ATP2B2: variants seen among roughly 807,000 people sequenced by gnomAD.
ATP2B2 encodes plasma membrane calcium-transporting ATPase 2.
A neutral mutation model predicts 120.0 loss-of-function variants in ATP2B2; 15 were observed. The ratio of observed to expected loss-of-function variants is 0.12; its 90% CI spans 0.08 to 0.19. The LOEUF is 0.19. ATP2B2 is among the 10% of genes least tolerant of loss of function. ATP2B2 has a pLI of 1.00. For missense variants in ATP2B2, 1,045 were observed against 1,719.8 expected, an observed-to-expected ratio of 0.61 and a Z score of 6.94; for synonymous variants, 694 against 700.3, an observed-to-expected ratio of 0.99 and a Z score of 0.14.
chr3:10,535,669 A>G (rs1027987480), intron 2 of ATP2B2, among the ~76,000 whole-genome samples: 18 of 151,980 alleles, frequency 1.2e-4, no homozygotes, highest in African/African-American at 4.4e-4. Context: ...AATTCCCTGG[A>G]GATTCCTCTA....
intron 2 of ATP2B2, among the ~76,000 whole-genome samples, chr3:10,547,867 A>G (rs779532723): frequency 1.3e-5 from 2 of 152,220 alleles, no homozygotes; most frequent in Non-Finnish European, 2.9e-5. Flanking sequence ...CATGTTTCCT[A>G]TGCTACAAAA....
intron 3 of ATP2B2, among the ~76,000 whole-genome samples, chr3:10,403,065 T>C (rs574132580): frequency 6.6e-6 from 1 of 152,008 alleles, no homozygotes; most frequent in Admixed American, 6.5e-5. Flanking sequence ...ATGAGCTGGT[T>C]CTAATCCTGC....
intron 2 of ATP2B2, among the ~76,000 whole-genome samples, chr3:10,551,411 C>A (rs1403431313): frequency 1.3e-5 from 2 of 152,222 alleles, no homozygotes; most frequent in African/African-American, 4.8e-5. Flanking sequence ...AGCTCAACGT[C>A]TCAGATGCGG....
chr3:10,558,714 A>G (rs1397928507), intron 2 of ATP2B2, among the ~76,000 whole-genome samples: 1 of 152,230 alleles, frequency 6.6e-6, no homozygotes, highest in Non-Finnish European at 1.5e-5. Context: ...CATTTGAGAG[A>G]AAGACTCCTA....
At chr3:10,621,320 G>A (rs2069541253) in intron 1 of ATP2B2, among the ~76,000 whole-genome samples, 1 of 152,206 alleles carries the variant, frequency 6.6e-6, no homozygotes, top group African/African-American at 2.4e-5. Context: ...GGAACCCACA[G>A]CCACGAGGCC....
At chr3:10,352,685 G>A (rs896415594) in intron 14 of ATP2B2, among the ~76,000 whole-genome samples, 2 of 152,192 alleles carry the variant, frequency 1.3e-5, no homozygotes, top group African/African-American at 4.8e-5. Flanking sequence ...ATAAGCAAAC[G>A]TGACCTCATT....
rs78921365 is a variant in ATP2B2, at chr3:10,484,051, C to T, written c.-320+21414G>A. ...CTGCTTGCTTTGTGACCTTGAGCAACGACTAGGCCTCTCTGAGTCCATCTC... is the reference window on the plus strand; with the variant it reads ...CTGCTTGCTTTGTGACCTTGAGCAATGACTAGGCCTCTCTGAGTCCATCTC... On this transcript the variant is annotated intron_variant, in intron 1 of 22. Coordinates refer to ENST00000360273, the MANE Select transcript of ATP2B2 (RefSeq NM_001001331.4). Among the ~76,000 whole-genome samples the T allele has an allele frequency of 6.2e-3, 937 of 152,338 alleles. 10 individuals carry two copies. The highest frequency in any genetic ancestry group is 0.021 in the African/African-American group (875 of 41,574).
Position 10,468,040 on chromosome 3 carries a change from T to C in ATP2B2, c.-319-18178A>G, listed in dbSNP as rs553698560. 2.0e-5 allele frequency among the ~76,000 whole-genome samples: 3 copies of C among 152,248 alleles called. No homozygotes were observed. The South Asian group carries it at 6.2e-4, about 32-fold the overall frequency. ...AAGGCTGTGCACATGACCTCGACAC[T>C]CAATAGGCTCCTGGATCTGGAAGGA... On this transcript the variant is annotated intron_variant, in intron 1 of 22. Coordinates refer to ENST00000360273, the MANE Select transcript of ATP2B2 (RefSeq NM_001001331.4).
At chr3:10,556,391 G>C (rs9841591) in intron 2 of ATP2B2, among the ~76,000 whole-genome samples, 8,426 of 152,290 alleles carry the variant, frequency 0.055, 394 homozygotes, top group African/African-American at 0.13. Flanking sequence ...TCTAGTGGTG[G>C]GGGAGACAAA....
At chr3:10,450,794 C>T (rs796771841) in intron 1 of ATP2B2, among the ~76,000 whole-genome samples, 4 of 152,130 alleles carry the variant, frequency 2.6e-5, no homozygotes, top group African/African-American at 4.8e-5. Context: ...TACAGGAGTG[C>T]GGCATCTGTG....
At chr3:10,566,084 T>C (rs1312424663) in intron 2 of ATP2B2, among the ~76,000 whole-genome samples, 1 of 151,804 alleles carries the variant, frequency 6.6e-6, no homozygotes, top group Non-Finnish European at 1.5e-5. Flanking sequence ...CCACCCCTCC[T>C]TCCACTGATT....
chr3:10,432,150 C>A (rs2063335397), intron 2 of ATP2B2, among the ~76,000 whole-genome samples: 3 of 152,240 alleles, frequency 2.0e-5, no homozygotes, highest in African/African-American at 7.2e-5. Flanking sequence ...TTGGATCTCA[C>A]CTCTGTCACC....
chr3:10,682,177 A>G (rs2071399620), intron 1 of ATP2B2, among the ~76,000 whole-genome samples: 2 of 152,232 alleles, frequency 1.3e-5, no homozygotes, highest in Non-Finnish European at 2.9e-5. Context: ...TAGTGTTTCC[A>G]TCCATGCCTC....
chr3:10,330,171 G>A (rs562905270), intron 22 of ATP2B2: 1 of 154,532 alleles, frequency 6.5e-6, no homozygotes, highest in Admixed American at 6.5e-5. Flanking sequence ...TTCTGTCTCA[G>A]TTGTGAACCA....
intron 1 of ATP2B2, among the ~76,000 whole-genome samples, chr3:10,669,515 T>C (rs1376936709): frequency 1.3e-5 from 2 of 152,160 alleles, no homozygotes; most frequent in Admixed American, 1.3e-4. Flanking sequence ...AAACTGTGGC[T>C]TGTGTCAGAA....
At chr3:10,498,715 G>C (rs1466205751) in intron 1 of ATP2B2, among the ~76,000 whole-genome samples, 1 of 152,210 alleles carries the variant, frequency 6.6e-6, no homozygotes, top group African/African-American at 2.4e-5. Context: ...GCAGAGACCT[G>C]CTTTCTTCCT....
At chr3:10,629,267 G>A (rs1575574935) in intron 1 of ATP2B2, among the ~76,000 whole-genome samples, 2 of 152,316 alleles carry the variant, frequency 1.3e-5, no homozygotes. Context: ...CGCTGGGAAC[G>A]CGCTGCGGGC....
At chr3:10,614,767 C>T (rs1200180206) in intron 2 of ATP2B2, among the ~76,000 whole-genome samples, 1 of 152,052 alleles carries the variant, frequency 6.6e-6, no homozygotes, top group Non-Finnish European at 1.5e-5. Context: ...TTGGTTGACT[C>T]CCTTGCTAAC....
intron 1 of ATP2B2, among the ~76,000 whole-genome samples, chr3:10,683,784 A>ATATATATATATATG (rs2071448355): frequency 8.5e-6 from 1 of 117,966 alleles, no homozygotes; most frequent in Non-Finnish European, 1.8e-5. Context: ...ATATATATAT[A>ATATATATATATATG]TATATATATA....
Sources: allele counts gnomAD v4.1 joint callset (sites outside exome capture counted in the v4.1 genomes callset), GRCh38; gene constraint gnomAD v4.1.1; transcripts MANE v1.5; gene names NCBI Gene and HGNC (gene_info 2026-07-23, HGNC 2026-07-21).